LNP1: variants seen among roughly 807,000 people sequenced by gnomAD.
The protein encoded by LNP1 is leukemia NUP98 fusion partner 1.
In LNP1, 12 loss-of-function variants were observed where a neutral mutation model predicts 14.5. That is an observed-to-expected ratio of 0.83 (90% confidence interval 0.53 to 1.34). The LOEUF is 1.34. Ranked by LOEUF, LNP1 falls within the 40% of genes most tolerant of loss-of-function variation. LNP1 has a pLI of 0.00. For missense variants in LNP1, 198 were observed against 210.9 expected (o/e 0.94, Z 0.38); for synonymous variants, 75 against 71.4 (o/e 1.05, Z -0.26).
intron 1 of LNP1, among the ~76,000 whole-genome samples, chr3:100,424,881 G>A (rs2148902337): frequency 6.6e-6 from 1 of 152,300 alleles, no homozygotes; most frequent in East Asian, 1.9e-4. Flanking sequence ...AAACTAACCT[G>A]AGTATTGACT....
chr3:100,447,741 A>G (rs1214934986), intron 2 of LNP1, among the ~76,000 whole-genome samples: 1 of 152,196 alleles, frequency 6.6e-6, no homozygotes, highest in Admixed American at 6.5e-5. Flanking sequence ...AATTTACCAT[A>G]CAAGAGTCTT....
At chr3:100,402,596 C>T (rs1706922278) in intron 1 of LNP1, among the ~76,000 whole-genome samples, 157 bp downstream of exon 1, 1 of 152,046 alleles carries the variant, frequency 6.6e-6, no homozygotes, top group Non-Finnish European at 1.5e-5. Context: ...AAATTTTCTG[C>T]CCCTTAATAT....
intron 1 of LNP1, among the ~76,000 whole-genome samples, chr3:100,409,389 A>G (rs1707004422): frequency 6.6e-6 from 1 of 151,918 alleles, no homozygotes; most frequent in East Asian, 2.0e-4. Context: ...TCATGCCTGT[A>G]ATCCCAGCAC....
chr3:100,442,142 A>G (rs1023834789), intron 2 of LNP1, among the ~76,000 whole-genome samples: 2 of 152,186 alleles, frequency 1.3e-5, no homozygotes, highest in African/African-American at 2.4e-5. Context: ...TTATTTTTAC[A>G]TATCAACTTA....
chr3:100,454,009 A>G (rs1263107419), intron 3 of LNP1, among the ~76,000 whole-genome samples: 2 of 152,128 alleles, frequency 1.3e-5, no homozygotes, highest in Non-Finnish European at 2.9e-5. Context: ...GTCTTTCACG[A>G]CATTAGCTAA....
In LNP1 at chr3:100,455,827, G is replaced by C. The variant is rs2148909665; in HGVS notation, c.438G>C (p.Glu146Asp). The C allele has an allele frequency of 1.9e-6, 3 of 1,614,054 alleles. No individual in the cohort carries two copies. The highest frequency in any genetic ancestry group is 2.5e-6 in the Non-Finnish European group (3 of 1,179,936). ...ERNERECLRMEIKSRKKVEEE... is the reference protein window; with the variant it reads ...ERNERECLRMDIKSRKKVEEE... ...ATGAAAGAGAATGCCTGAGGATGGAGATAAAATCCCGAAAGAAAGTAGAGG... is the reference window on the plus strand; with the variant it reads ...ATGAAAGAGAATGCCTGAGGATGGACATAAAATCCCGAAAGAAAGTAGAGG... The change falls in exon 4 of 4, where the codon GAG becomes GAC. Residue 146 changes from glutamate to aspartate, a missense_variant. Transcript: ENST00000383693.
intron 1 of LNP1, among the ~76,000 whole-genome samples, chr3:100,408,837 A>G (rs1411526513): frequency 6.6e-6 from 1 of 152,146 alleles, no homozygotes; most frequent in Non-Finnish European, 1.5e-5. Flanking sequence ...TGACATGGGT[A>G]ATGTAAAACT....
At chr3:100,405,964 A>G (rs1222346729) in intron 1 of LNP1, among the ~76,000 whole-genome samples, 2 of 152,096 alleles carry the variant, frequency 1.3e-5, no homozygotes, top group African/African-American at 4.8e-5. Context: ...TCTTTGGTCT[A>G]CGATATTAGC....
At chr3:100,414,270 G>T (rs768320930) in intron 1 of LNP1, among the ~76,000 whole-genome samples, 54 of 152,156 alleles carry the variant, frequency 3.5e-4, no homozygotes, top group Non-Finnish European at 6.5e-4. Context: ...AAAGTGGTCA[G>T]GTGCGGTGGC....
At chr3:100,416,681 A>C (rs1398566106) in intron 1 of LNP1, among the ~76,000 whole-genome samples, 3 of 141,644 alleles carry the variant, frequency 2.1e-5, no homozygotes. Context: ...TAAAAAAAAT[A>C]TTTTGGTTAA....
At chr3:100,403,340 CAT>C (rs1706931260) in intron 1 of LNP1, among the ~76,000 whole-genome samples, 1 of 152,138 alleles carries the variant, frequency 6.6e-6, no homozygotes, top group African/African-American at 2.4e-5. Context: ...TATATGTGAA[CAT>C]AGACATTATC....
chr3:100,447,557 C>T (rs1269879817), intron 2 of LNP1, among the ~76,000 whole-genome samples: 2 of 151,918 alleles, frequency 1.3e-5, no homozygotes, highest in African/African-American at 4.8e-5. Flanking sequence ...ATGTATCAAA[C>T]CTGCATGTTG....
At chr3:100,448,801 A>G (rs986931838) in intron 2 of LNP1, among the ~76,000 whole-genome samples, 2 of 152,202 alleles carry the variant, frequency 1.3e-5, no homozygotes, top group Non-Finnish European at 2.9e-5. Context: ...TGTGTACACA[A>G]CACATAAATA....
chr3:100,442,556 A>T (rs1251465697), intron 2 of LNP1, among the ~76,000 whole-genome samples: 1 of 152,318 alleles, frequency 6.6e-6, no homozygotes, highest in East Asian at 1.9e-4. Flanking sequence ...CTTCCAGGTT[A>T]TGGGTAGATA....
At chr3:100,406,803 G>A (rs778629280) in intron 1 of LNP1, among the ~76,000 whole-genome samples, 9 of 152,186 alleles carry the variant, frequency 5.9e-5, no homozygotes, top group Non-Finnish European at 1.3e-4. Context: ...AAAGTGCTGG[G>A]ATTACAGGCA....
intron 1 of LNP1, among the ~76,000 whole-genome samples, chr3:100,416,651 T>C (rs915283501): frequency 1.3e-5 from 2 of 149,186 alleles, no homozygotes; most frequent in African/African-American, 4.9e-5. Context: ...GTGTGTGGTG[T>C]TTTTGGTCTG....
intron 1 of LNP1, among the ~76,000 whole-genome samples, chr3:100,411,209 T>C (rs1707028673): frequency 6.6e-6 from 1 of 152,224 alleles, no homozygotes; most frequent in Non-Finnish European, 1.5e-5. Context: ...ATTTCTCCCT[T>C]TTGGAGTGGG....
intron 1 of LNP1, among the ~76,000 whole-genome samples, chr3:100,426,633 A>T (rs941129953): frequency 3.9e-5 from 6 of 152,234 alleles, no homozygotes; most frequent in African/African-American, 1.4e-4. Flanking sequence ...ACTGCTTTTT[A>T]AAATTCAAAA....
chr3:100,441,726 A>T (rs1195447595), intron 2 of LNP1, among the ~76,000 whole-genome samples: 1 of 151,900 alleles, frequency 6.6e-6, no homozygotes, highest in East Asian at 1.9e-4. Flanking sequence ...GCAGTGGTGC[A>T]ATCTCAGCTC....
Sources: gnomAD v4.1 joint callset for allele counts (sites outside exome capture counted in the v4.1 genomes callset) on GRCh38, gnomAD v4.1.1 for gene constraint, MANE v1.5 for transcripts, NCBI Gene and HGNC (gene_info 2026-07-23, HGNC 2026-07-21) for gene names.